Variants in WWOX observed in about 807,000 individuals in gnomAD.
WWOX encodes WW domain-containing oxidoreductase.
Under a neutral mutation model 46.2 loss-of-function variants are expected in WWOX, and 69 were observed. That is an observed-to-expected ratio of 1.49 (90% CI 1.23 to 1.82). The LOEUF (loss-of-function observed/expected upper bound fraction) is 1.82. Among genes scored for constraint, WWOX ranks in the 40% most tolerant of loss-of-function variants. The pLI is 0.00. For missense variants in WWOX, 919 were observed against 542.6 expected, an observed-to-expected ratio of 1.69 and a Z score of -6.89; for synonymous variants, 359 against 202.6, an observed-to-expected ratio of 1.77 and a Z score of -6.56.
At chr16:78,158,997 T>G (rs1194892023) in intron 4 of WWOX, among the ~76,000 whole-genome samples, 6 of 152,196 alleles carry the variant, frequency 3.9e-5, no homozygotes, top group Admixed American at 3.3e-4. Context: ...TTGAGTGTCT[T>G]AGATTCCTCA....
At chr16:78,644,785 C>A (rs1165702514) in intron 8 of WWOX, among the ~76,000 whole-genome samples, 1 of 152,172 alleles carries the variant, frequency 6.6e-6, no homozygotes, top group Non-Finnish European at 1.5e-5. Context: ...TTTTATCCAA[C>A]AAATATTTAT....
chr16:78,380,149 A>G (rs1293802483), intron 5 of WWOX, among the ~76,000 whole-genome samples: 1 of 152,220 alleles, frequency 6.6e-6, no homozygotes, highest in Non-Finnish European at 1.5e-5. Context: ...AGAGCAGGAC[A>G]GCATGAGGCA....
intron 8 of WWOX, chr16:78,899,227 A>C (rs1157504133): frequency 6.6e-6 from 1 of 152,170 alleles, no homozygotes; most frequent in East Asian, 1.9e-4. Flanking sequence ...CATTAGATTA[A>C]GGAGTTTGAA....
chr16:78,165,580 G>C (rs757599824), intron 5 of WWOX, among the ~76,000 whole-genome samples: 10 of 152,098 alleles, frequency 6.6e-5, no homozygotes, highest in African/African-American at 2.4e-4. Flanking sequence ...CCTGGGAGGA[G>C]GGGGAGGAGG....
chr16:78,919,512 T>C (rs913666135), intron 8 of WWOX, among the ~76,000 whole-genome samples: 1 of 116,836 alleles, frequency 8.6e-6, no homozygotes, highest in South Asian at 3.2e-4. Context: ...TTTTCTTTTA[T>C]CTTTTTGTTT....
chr16:78,233,523 AAT>A (rs1491156277), intron 5 of WWOX, among the ~76,000 whole-genome samples: 6 of 109,744 alleles, frequency 5.5e-5, no homozygotes, highest in East Asian at 5.1e-4. Context: ...TTGATGATTA[AAT>A]TTTTTTTTTT....
chr16:78,330,308 A>T (rs539181978), intron 5 of WWOX, among the ~76,000 whole-genome samples: 1 of 152,344 alleles, frequency 6.6e-6, no homozygotes, highest in African/African-American at 2.4e-5. Context: ...TTTTACCACA[A>T]ATTAAAGAAA....
At chr16:78,319,242 G>C (rs912208630) in intron 5 of WWOX, among the ~76,000 whole-genome samples, 1 of 152,214 alleles carries the variant, frequency 6.6e-6, no homozygotes, top group South Asian at 2.1e-4. Flanking sequence ...GGATTCTACC[G>C]TAGAGCTACC....
intron 8 of WWOX, among the ~76,000 whole-genome samples, chr16:78,962,695 A>G (rs1340727793): frequency 1.3e-5 from 2 of 152,310 alleles, no homozygotes; most frequent in East Asian, 1.9e-4. Context: ...TTAAATGTAC[A>G]GTTCAATGAA....
At chr16:78,184,055 G>C (rs1013034600) in intron 5 of WWOX, among the ~76,000 whole-genome samples, 1 of 152,140 alleles carries the variant, frequency 6.6e-6, no homozygotes, top group African/African-American at 2.4e-5. Context: ...TGCTCTCTGT[G>C]TGTGAAGCTG....
Position 78,799,895 on chromosome 16 carries a change from A to G in WWOX, c.1056+367143A>G, listed in dbSNP as rs180824277. Reference sequence around the variant, plus strand: ...GTTATGTAGCTTTAGAAAAATTTCTATGTGAATGACTACTTTTCCCTGAAA... The same window carrying G: ...GTTATGTAGCTTTAGAAAAATTTCTGTGTGAATGACTACTTTTCCCTGAAA... On this transcript the variant is annotated intron_variant, in intron 8 of 8. Transcript: ENST00000566780. 1.2e-4 allele frequency among the ~76,000 whole-genome samples: 18 copies of G among 152,282 alleles called. 1 individual carries two copies. The highest frequency in any genetic ancestry group is 5.8e-4 in the East Asian group (3 of 5,176).
chr16:78,793,740 C>G (rs561230719), intron 8 of WWOX, among the ~76,000 whole-genome samples: 2 of 151,890 alleles, frequency 1.3e-5, no homozygotes, highest in African/African-American at 4.8e-5. Context: ...GTGGGATAAA[C>G]ATTGCCTAGA....
At chr16:78,624,965 T>G (rs1186144825) in intron 8 of WWOX, among the ~76,000 whole-genome samples, 1 of 152,050 alleles carries the variant, frequency 6.6e-6, no homozygotes, top group Non-Finnish European at 1.5e-5. Context: ...ATGGCCCCCT[T>G]CATATCCTGG....
chr16:78,266,280 A>G (rs2079360647), intron 5 of WWOX, among the ~76,000 whole-genome samples: 1 of 152,250 alleles, frequency 6.6e-6, no homozygotes, highest in South Asian at 2.1e-4. Context: ...TAAATTTTAA[A>G]AACTTTTATT....
At chr16:78,553,385 C>G (rs1045312852) in intron 8 of WWOX, 2 of 152,078 alleles carry the variant, frequency 1.3e-5, no homozygotes, top group African/African-American at 2.4e-5. Context: ...TCCATGGGCT[C>G]TGGGACACAG....
intron 8 of WWOX, chr16:78,825,630 T>G (rs920297623): frequency 7.7e-6 from 4 of 516,872 alleles, no homozygotes; most frequent in African/African-American, 1.9e-5. Flanking sequence ...GCGGAGGGCC[T>G]GCGATGGTGG....
At chr16:78,296,479 T>C (rs1334580456) in intron 5 of WWOX, among the ~76,000 whole-genome samples, 1 of 151,316 alleles carries the variant, frequency 6.6e-6, no homozygotes, top group African/African-American at 2.4e-5. Context: ...TGTTTTCTAA[T>C]ACATGAAACC....
intron 8 of WWOX, among the ~76,000 whole-genome samples, chr16:78,858,848 T>C (rs1330014463): frequency 6.6e-6 from 1 of 151,202 alleles, no homozygotes; most frequent in Non-Finnish European, 1.5e-5. Flanking sequence ...CTGGCTAATT[T>C]TTTGAACTTT....
chr16:78,782,764 A>C (rs749471369), intron 8 of WWOX, among the ~76,000 whole-genome samples: 2 of 150,592 alleles, frequency 1.3e-5, no homozygotes, highest in Non-Finnish European at 2.9e-5. Flanking sequence ...CAGAAGTCTC[A>C]TATGCTGTAT....
Sources: allele counts gnomAD v4.1 joint callset (sites outside exome capture counted in the v4.1 genomes callset), GRCh38; gene constraint gnomAD v4.1.1; transcripts MANE v1.5; gene names NCBI Gene and HGNC (gene_info 2026-07-23, HGNC 2026-07-21).